The following ABCC4 variants were observed in gnomAD, a reference collection of about 807,000 sequenced individuals.
ABCC4 encodes ATP-binding cassette sub-family C member 4.
ABCC4 carries 102 observed loss-of-function variants against 168.5 expected under a neutral mutation model. The observed-to-expected ratio is 0.61, with a 90% CI of 0.52 to 0.71. ABCC4 has a LOEUF of 0.71. ABCC4 is among the 30% of genes least tolerant of loss of function. The probability of loss-of-function intolerance (pLI) is 0.00; values close to 1 mark genes in which losing one functional copy is unlikely to be tolerated. For missense variants in ABCC4, 1,402 were observed against 1,605.8 expected (o/e 0.87, Z 2.17); for synonymous variants, 617 against 590.7 (o/e 1.04, Z -0.65).
chr13:95,081,024 A>C (rs940188041), intron 21 of ABCC4, among the ~76,000 whole-genome samples: 10 of 147,596 alleles, frequency 6.8e-5, no homozygotes, highest in African/African-American at 2.4e-4. Context: ...GACGAATAAC[A>C]GTAAATAGTT....
chr13:95,181,066 A>G (rs2037872823), intron 11 of ABCC4, among the ~76,000 whole-genome samples: 1 of 152,242 alleles, frequency 6.6e-6, no homozygotes, highest in South Asian at 2.1e-4. Context: ...AGTGCTCCCA[A>G]TGGGAGGAAG....
chr13:95,073,914 T>C (rs184596487), intron 23 of ABCC4, among the ~76,000 whole-genome samples: 98 of 152,292 alleles, frequency 6.4e-4, no homozygotes, highest in Non-Finnish European at 1.1e-3. Context: ...TTGGACAAAA[T>C]GCTTCAGAAT....
chr13:95,240,711 G>A (rs2039917215), intron 3 of ABCC4, among the ~76,000 whole-genome samples: 4 of 151,430 alleles, frequency 2.6e-5, no homozygotes, highest in South Asian at 2.1e-4. Context: ...AAAAACCTAA[G>A]AAAGATCCCA....
intron 1 of ABCC4, among the ~76,000 whole-genome samples, chr13:95,251,564 A>G (rs982052166): frequency 2.0e-5 from 3 of 152,192 alleles, no homozygotes; most frequent in African/African-American, 7.2e-5. Context: ...CAACTTTATT[A>G]GAAATAAACA....
intron 20 of ABCC4, among the ~76,000 whole-genome samples, chr13:95,102,012 C>T (rs1277189635): frequency 6.6e-6 from 1 of 152,188 alleles, no homozygotes; most frequent in Admixed American, 6.5e-5. Flanking sequence ...GAATTTTCTC[C>T]ATTTTACAGA....
At position 95,126,780 on chromosome 13, in the gene ABCC4, C is replaced by T. The variant is rs548303159; in HGVS notation, c.2456-10779G>A. On this transcript the variant is annotated intron_variant, in intron 19 of 30. Transcript: ENST00000645237. The stretch of plus-strand genomic sequence containing the variant: ...TCCAAAATATATATATATTTAAGTA[C>T]ACCAAATATATATATTTATATATAT... 2.3e-3 allele frequency among the ~76,000 whole-genome samples: 274 copies of T among 116,848 alleles called. 4 individuals are homozygous for T. The highest frequency in any genetic ancestry group is 5.2e-3 in the Middle Eastern group (1 of 192). The allele number at this position is 116,848 out of a possible 152,430, so 76.7% of individuals were successfully genotyped here.
chr13:95,074,338 C>A lies in ABCC4; in HGVS notation c.2807-14G>T, dbSNP rs138241964. 1.3e-6 allele frequency: 2 copies of A among 1,583,992 alleles called. No homozygotes were observed. The highest frequency in any genetic ancestry group is 1.7e-4 in the Middle Eastern group (1 of 6,020). On this transcript the variant is annotated splice_polypyrimidine_tract_variant and intron_variant, in intron 22 of 30. Transcript: ENST00000645237. ...AGAACCAAGCCTCTGAATTTGAGAA[C>A]GGTAATAAGCATGATGAATAAGTAG...
At chr13:95,109,018 T>A (rs1357728672) in intron 20 of ABCC4, among the ~76,000 whole-genome samples, 1 of 151,904 alleles carries the variant, frequency 6.6e-6, no homozygotes, top group Non-Finnish European at 1.5e-5. Flanking sequence ...TAACTTAGAT[T>A]ATTTATGTTT....
At chr13:95,287,723 C>G (rs879650032) in intron 1 of ABCC4, among the ~76,000 whole-genome samples, 1 of 152,004 alleles carries the variant, frequency 6.6e-6, no homozygotes, top group Non-Finnish European at 1.5e-5. Context: ...TACACTCTAG[C>G]CTGGGCAACA....
chr13:95,195,003 T>C, intron 8 of ABCC4, 66 bp from the exon 9 acceptor site: 1 of 1,337,572 alleles, frequency 7.5e-7, no homozygotes, highest in Non-Finnish European at 1.1e-6. Flanking sequence ...CAAAAGTCAC[T>C]GCTTCCATGG....
At chr13:95,293,404 C>A (rs773795128) in intron 1 of ABCC4, among the ~76,000 whole-genome samples, 1 of 151,968 alleles carries the variant, frequency 6.6e-6, no homozygotes, top group Non-Finnish European at 1.5e-5. Context: ...CTTTTCCATA[C>A]TTCTACTCCA....
intron 1 of ABCC4, among the ~76,000 whole-genome samples, chr13:95,264,481 CTG>C (rs1300424340): frequency 6.6e-6 from 1 of 152,226 alleles, no homozygotes; most frequent in East Asian, 1.9e-4. Context: ...ACCATCACCA[CTG>C]TGTGCCTCCG....
chr13:95,301,174 G>T (rs1325505036), intron 1 of ABCC4, 67 bp downstream of exon 1: 2 of 1,464,594 alleles, frequency 1.4e-6, no homozygotes, highest in Non-Finnish European at 1.9e-6. Context: ...ATCGGGCGCG[G>T]CCCCGGGAGA....
rs553598195 is a variant in ABCC4 at position 95,212,926 on chromosome 13, G to A, written c.532-2145C>T. On this transcript the variant is annotated intron_variant, in intron 4 of 30. Coordinates refer to ENST00000645237, the MANE Select transcript of ABCC4 (RefSeq NM_005845.5). ...GCAGATCACCTGAGGTCGGGAGTTC[G>A]AGACCAGCCTGGTCAACACGGTGAA... is the stretch of plus-strand genomic sequence containing the variant. Among the ~76,000 whole-genome samples, 556 of 152,110 alleles carry A rather than the reference G, an allele frequency of 3.7e-3. 3 individuals are homozygous for A. Among genetic ancestry groups the A allele is most frequent in the African/African-American group, 0.013 (528 of 41,500 alleles).
intron 11 of ABCC4, among the ~76,000 whole-genome samples, chr13:95,178,528 C>G (rs1228126844): frequency 6.6e-6 from 1 of 152,202 alleles, no homozygotes; most frequent in Non-Finnish European, 1.5e-5. Flanking sequence ...GGGAGGTCAA[C>G]AAGGGCTCTG....
In ABCC4 at chr13:95,163,510, G is replaced by A. The variant is rs2037165546; in HGVS notation, c.2213+100C>T. 7 of 1,135,108 alleles carry A rather than the reference G, an allele frequency of 6.2e-6. No individual in the cohort carries two copies. In the South Asian group the frequency reaches 1.0e-4, roughly 16 times the overall value. 70.3% of individuals were successfully genotyped at this position (1,135,108 alleles called of 1,614,324 possible). On this transcript the variant is annotated intron_variant, in intron 17 of 30. Coordinates refer to ENST00000645237, the MANE Select transcript of ABCC4 (RefSeq NM_005845.5). ...CTTCGGGTAAACGAAGTGAGGATTA[G>A]AAGAGAAGGATCAACAAACACCTCC... is the stretch of plus-strand genomic sequence containing the variant.
At chr13:95,130,111 A>G (rs2035911374) in intron 19 of ABCC4, among the ~76,000 whole-genome samples, 1 of 151,944 alleles carries the variant, frequency 6.6e-6, no homozygotes. Context: ...GAAACTTAAC[A>G]GAAAACTTAT....
At chr13:95,157,300 T>C (rs142269556) in intron 19 of ABCC4, among the ~76,000 whole-genome samples, 3,069 of 148,050 alleles carry the variant, frequency 0.021, 40 homozygotes, top group Non-Finnish European at 0.031. Flanking sequence ...TCAGTACCAA[T>C]AGGAGGTAAA....
At chr13:95,221,846 G>T (rs896147250) in intron 4 of ABCC4, among the ~76,000 whole-genome samples, 1 of 151,978 alleles carries the variant, frequency 6.6e-6, no homozygotes, top group Admixed American at 6.6e-5. Flanking sequence ...TAAGTCCTGG[G>T]GAAAGGAATG....
Sources: allele counts gnomAD v4.1 joint callset (sites outside exome capture counted in the v4.1 genomes callset), GRCh38; gene constraint gnomAD v4.1.1; transcripts MANE v1.5; gene names NCBI Gene and HGNC (gene_info 2026-07-23, HGNC 2026-07-21).